The following CTPS2 variants were observed in gnomAD, a reference collection of about 807,000 sequenced individuals.
CTPS2 encodes the protein CTP synthase II.
CTPS2 carries 19 observed loss-of-function variants against 46.8 expected under a neutral mutation model. The observed-to-expected ratio is 0.41, with a 90% CI of 0.28 to 0.60. The LOEUF is 0.60. Ranked by LOEUF, CTPS2 falls within the 20% of genes least tolerant of loss-of-function variation. The probability of loss-of-function intolerance (pLI) is 0.35; values close to 1 mark genes in which losing one functional copy is unlikely to be tolerated. For synonymous variants in CTPS2, 151 were observed against 165.2 expected (o/e 0.91, Z 0.66); for missense variants, 286 against 447.6 (o/e 0.64, Z 3.26).
chrX:16,628,407 C>T (rs1386170939), intron 14 of CTPS2, among the ~76,000 whole-genome samples: 1 of 110,927 alleles, frequency 9.0e-6, no homozygotes, highest in Non-Finnish European at 1.9e-5. Context: ...ACTCTGTCGC[C>T]CAGGCTGGAG....
At chrX:16,688,383 C>T (rs1197108954) in intron 8 of CTPS2, among the ~76,000 whole-genome samples, 1 of 106,079 alleles carries the variant, frequency 9.4e-6, no homozygotes, top group African/African-American at 3.4e-5. Flanking sequence ...CTGGGCGACA[C>T]AGTGACACTC....
At chrX:16,627,288 T>A in intron 14 of CTPS2, among the ~76,000 whole-genome samples, 1 of 112,321 alleles carries the variant, frequency 8.9e-6, no homozygotes. Context: ...CTGATGCTTA[T>A]CTAATTCAGT....
chrX:16,681,279 A>G (rs1922723551), intron 9 of CTPS2, among the ~76,000 whole-genome samples: 1 of 112,005 alleles, frequency 8.9e-6, no homozygotes, highest in East Asian at 2.8e-4. Context: ...GAGGAGAGAG[A>G]AACAGCAGCT....
At chrX:16,675,551 A>G (rs190134448) in intron 10 of CTPS2, among the ~76,000 whole-genome samples, 3 of 112,313 alleles carry the variant, frequency 2.7e-5, no homozygotes, top group Admixed American at 1.9e-4. Flanking sequence ...CTATAATTCT[A>G]ATATGAATTC....
intron 9 of CTPS2, among the ~76,000 whole-genome samples, chrX:16,681,002 A>G (rs1309188251): frequency 1.8e-5 from 2 of 111,999 alleles, no homozygotes; most frequent in Non-Finnish European, 3.8e-5. Context: ...CCTGGCCAAC[A>G]TGAAGAAACT....
At chrX:16,605,028 G>T (rs1214268504) in intron 17 of CTPS2, among the ~76,000 whole-genome samples, 1 of 112,348 alleles carries the variant, frequency 8.9e-6, no homozygotes, top group African/African-American at 3.2e-5. Context: ...TGCTTGCAGG[G>T]TTAGTTCTTG....
intron 14 of CTPS2, among the ~76,000 whole-genome samples, chrX:16,631,056 C>T (rs1308513377): frequency 8.9e-6 from 1 of 112,001 alleles, no homozygotes; most frequent in East Asian, 2.8e-4. Context: ...CTCATCTCTA[C>T]AAAAATTTTA....
At chrX:16,668,974 C>A (rs1433217255) in intron 11 of CTPS2, among the ~76,000 whole-genome samples, 1 of 111,481 alleles carries the variant, frequency 9.0e-6, no homozygotes, top group African/African-American at 3.3e-5. Flanking sequence ...ATTTCCCACT[C>A]CTTCTCATGG....
intron 8 of CTPS2, among the ~76,000 whole-genome samples, chrX:16,686,129 G>A (rs1385383732): frequency 1.8e-5 from 2 of 111,989 alleles, no homozygotes; most frequent in Non-Finnish European, 3.8e-5. Flanking sequence ...ATGTGATGCA[G>A]AGGGAGGCCC....
At chrX:16,642,167 G>C (rs1932110877) in intron 13 of CTPS2, among the ~76,000 whole-genome samples, 1 of 112,040 alleles carries the variant, frequency 8.9e-6, no homozygotes, top group Non-Finnish European at 1.9e-5. Context: ...CCTTACACTA[G>C]GGTATTAGTT....
chrX:16,607,788 T>G (rs1302613667), intron 17 of CTPS2, among the ~76,000 whole-genome samples: 1 of 112,991 alleles, frequency 8.9e-6, no homozygotes, highest in Non-Finnish European at 1.9e-5. Flanking sequence ...TATCTGGTTA[T>G]TGTGGTAATA....
chrX:16,683,226 C>A lies in CTPS2; in HGVS notation c.873G>T (p.Arg291Ser). Residue 291 changes from arginine to serine, a missense_variant and splice_region_variant, in exon 9 of 19, where the codon AGG becomes AGT. By Grantham distance (110) the Arg-to-Ser change is moderately radical. Coordinates refer to ENST00000359276, the MANE Select transcript of CTPS2 (RefSeq NM_175859.3). ...AGCATATTTTCTGTAACCTTTCATACCTGGGAAAGAAAACAAACTCAAAGG... is the reference window on the plus strand; with the variant it reads ...AGCATATTTTCTGTAACCTTTCATAACTGGGAAAGAAAACAAACTCAAAGG... ...LLFKWRNMADRYERLQKICSI... is the reference protein window; with the variant it reads ...LLFKWRNMADSYERLQKICSI... The A allele has an allele frequency of 2.5e-6, 3 of 1,209,372 alleles. No individual in the cohort carries two copies. The highest frequency in any genetic ancestry group is 3.4e-6 in the Non-Finnish European group (3 of 893,762).
chrX:16,630,379 C>A (rs910005417), intron 14 of CTPS2, among the ~76,000 whole-genome samples: 2 of 107,881 alleles, frequency 1.9e-5, no homozygotes, highest in African/African-American at 6.8e-5. Flanking sequence ...CTCAGCCACC[C>A]GAGTTGCTGG....
chrX:16,687,949 G>GA (rs772239060), intron 8 of CTPS2, among the ~76,000 whole-genome samples: 2 of 110,602 alleles, frequency 1.8e-5, no homozygotes, highest in South Asian at 3.8e-4. Flanking sequence ...ATACAGAAGG[G>GA]AAAAAAAGCC....
chrX:16,651,243 A>G (rs973386614), intron 13 of CTPS2: 75 of 783,405 alleles, frequency 9.6e-5, no homozygotes, highest in Non-Finnish European at 1.4e-4. Flanking sequence ...CCGTCGCTTG[A>G]GGGAGGACAC....
chrX:16,625,055 C>T (rs1454010977), intron 14 of CTPS2, among the ~76,000 whole-genome samples: 1 of 111,756 alleles, frequency 8.9e-6, no homozygotes, highest in Non-Finnish European at 1.9e-5. Context: ...AGCAACTGAA[C>T]CTAATTTTTT....
chrX:16,710,954 GT>G (rs1243326696), intron 1 of CTPS2, among the ~76,000 whole-genome samples: 3 of 112,187 alleles, frequency 2.7e-5, no homozygotes, highest in Non-Finnish European at 5.6e-5. Context: ...GTTTAACAAA[GT>G]TTCAAAGGTT....
At chrX:16,692,882 A>T (rs992710303) in intron 6 of CTPS2, among the ~76,000 whole-genome samples, 5 of 109,253 alleles carry the variant, frequency 4.6e-5, no homozygotes, top group Non-Finnish European at 7.6e-5. Context: ...ACATGACAAA[A>T]CTCTGTCTCT....
At chrX:16,686,045 C>G (rs1182718711) in intron 8 of CTPS2, among the ~76,000 whole-genome samples, 1 of 110,189 alleles carries the variant, frequency 9.1e-6, no homozygotes, top group Non-Finnish European at 1.9e-5. Flanking sequence ...CTCCTTGCAC[C>G]TCTCTACAGG....
Sources: gnomAD v4.1 joint callset for allele counts (sites outside exome capture counted in the v4.1 genomes callset) on GRCh38, gnomAD v4.1.1 for gene constraint, MANE v1.5 for transcripts, NCBI Gene and HGNC (gene_info 2026-07-23, HGNC 2026-07-21) for gene names.